The following CYP46A1 variants were observed in gnomAD, a reference collection of about 807,000 sequenced individuals.
CYP46A1 encodes cholesterol 24-hydroxylase.
Under a neutral mutation model 63.3 loss-of-function variants are expected in CYP46A1, and 20 were observed. The ratio of observed to expected loss-of-function variants is 0.32; its 90% CI spans 0.22 to 0.46. The LOEUF is 0.46. Among genes scored for constraint, CYP46A1 ranks in the 20% least tolerant of loss-of-function variants. The pLI is 1.00. For missense variants in CYP46A1, 445 were observed against 670.8 expected (o/e 0.66, Z 3.72); for synonymous variants, 268 against 273.6 (o/e 0.98, Z 0.20).
chr14:99,688,277 G>A (rs1026761195), intron 1 of CYP46A1, among the ~76,000 whole-genome samples: 3 of 152,162 alleles, frequency 2.0e-5, no homozygotes, highest in African/African-American at 4.8e-5. Flanking sequence ...CTCACCTGGC[G>A]TGGGCCTCCA....
chr14:99,688,787 A>G (rs1034011995), intron 1 of CYP46A1, among the ~76,000 whole-genome samples: 5 of 151,136 alleles, frequency 3.3e-5, no homozygotes, highest in Non-Finnish European at 5.9e-5. Context: ...CTCTCCACCA[A>G]ACTTGCTGGG....
intron 14 of CYP46A1, 100 bp downstream of exon 14, chr14:99,726,356 T>C: frequency 5.2e-6 from 7 of 1,340,382 alleles, no homozygotes; most frequent in Non-Finnish European, 7.2e-6. Context: ...CTGGGGCTGC[T>C]GGGCTGTGGG....
intron 5 of CYP46A1, chr14:99,706,276 G>A (rs1164933909): frequency 3.9e-5 from 7 of 179,850 alleles, no homozygotes; most frequent in Middle Eastern, 2.5e-3. Context: ...GGCAACGGGA[G>A]TAGAGGGCAG....
intron 3 of CYP46A1, among the ~76,000 whole-genome samples, chr14:99,697,569 A>T (rs79657683): frequency 0.013 from 1,944 of 152,202 alleles, 29 homozygotes; most frequent in African/African-American, 0.045. Context: ...GAGGTTCACA[A>T]TCCTGCACTG....
At chr14:99,691,697 CAT>C in intron 2 of CYP46A1, 81 bp from the exon 3 acceptor site, 1 of 1,318,430 alleles carries the variant, frequency 7.6e-7, no homozygotes. Flanking sequence ...GGACGGGAAA[CAT>C]CGGTTTCTCA....
chr14:99,691,157 G>T lies in CYP46A1; in HGVS notation c.196G>T (p.Asp66Tyr), dbSNP rs2056539803. 1 of 1,614,044 alleles carries T rather than the reference G, an allele frequency of 6.2e-7. No individual in the cohort carries two copies. Among genetic ancestry groups the T allele is most frequent in the African/African-American group, 1.3e-5 (1 of 74,920 alleles). ...GGRVLQDVFL[D>Y]WAKKYGPVVR... ...CCGTGTGCTCCAAGATGTGTTTTTG[G>T]ATTGGTGGGTTCTCATTTGTCACTT... Residue 66 changes from aspartate (D) to tyrosine (Y), a missense_variant, in exon 2 of 15, where the codon GAT becomes TAT. By Grantham distance (160) the Asp-to-Tyr change is radical. This residue lies in a region of CYP46A1 where 252 missense variants were observed against 383.3 expected (regional missense o/e 0.66). Coordinates refer to ENST00000261835, the MANE Select transcript of CYP46A1 (RefSeq NM_006668.2).
chr14:99,719,610 C>G (rs2056825517), intron 10 of CYP46A1, among the ~76,000 whole-genome samples: 1 of 152,044 alleles, frequency 6.6e-6, no homozygotes, highest in Non-Finnish European at 1.5e-5. Flanking sequence ...CCACTTCTGT[C>G]TCTGTGTGTT....
At chr14:99,694,645 G>A (rs775126029) in intron 3 of CYP46A1, among the ~76,000 whole-genome samples, 22 of 151,786 alleles carry the variant, frequency 1.4e-4, no homozygotes, top group Non-Finnish European at 2.9e-4. Flanking sequence ...GATTACAGGC[G>A]CCCACCACTG....
intron 6 of CYP46A1, 60 bp from the exon 7 acceptor site, chr14:99,707,508 G>T (rs892147242): frequency 1.4e-6 from 2 of 1,381,312 alleles, no homozygotes; most frequent in African/African-American, 1.4e-5. Flanking sequence ...GCCAGGCTTT[G>T]CCCTGGATCT....
At chr14:99,690,976 C>T (rs916506881) in intron 1 of CYP46A1, 105 bp from the exon 2 acceptor site, 10 of 1,078,450 alleles carry the variant, frequency 9.3e-6, no homozygotes, top group Middle Eastern at 2.0e-4. Flanking sequence ...CCCCATGCCT[C>T]GGTCCTCCTG....
chr14:99,726,619 G>A lies in CYP46A1; in HGVS notation c.1395G>A (p.Gly465=), dbSNP rs928683798. 1 of 1,573,116 alleles carries A rather than the reference G, an allele frequency of 6.4e-7. No individual in the cohort carries two copies. Among genetic ancestry groups the A allele is most frequent in the African/African-American group, 1.3e-5 (1 of 74,204 alleles). The part of the protein sequence containing the change: ...LQRLEFRLVP[G]QRFGLQEQAT... ...GGCTGGAGTTCCGGCTGGTGCCCGGGCAGCGCTTCGGGCTGCAGGAGCAGG... is the reference window on the plus strand; with the variant it reads ...GGCTGGAGTTCCGGCTGGTGCCCGGACAGCGCTTCGGGCTGCAGGAGCAGG... The change falls in exon 15 of 15, where the codon GGG becomes GGA. Residue 465 remains glycine, a synonymous_variant. Coordinates refer to ENST00000261835, the MANE Select transcript of CYP46A1 (RefSeq NM_006668.2).
intron 1 of CYP46A1, among the ~76,000 whole-genome samples, chr14:99,686,969 C>T (rs951351831): frequency 4.6e-5 from 7 of 152,160 alleles, no homozygotes; most frequent in Non-Finnish European, 1.0e-4. Flanking sequence ...CTATGATTGG[C>T]GATACTGTGG....
rs1167088898 is a variant in CYP46A1, at chr14:99,695,288, A to G, written c.282+3427A>G. ...GTTATTGTTGAATAAAGTGTTTTAGAAATGTCGATTAGGTCAATTTGGTCA... is the reference window on the plus strand; with the variant it reads ...GTTATTGTTGAATAAAGTGTTTTAGGAATGTCGATTAGGTCAATTTGGTCA... On this transcript the variant is annotated intron_variant, in intron 3 of 14. Transcript: ENST00000261835. 6 of 208,136 alleles carry G rather than the reference A, an allele frequency of 2.9e-5. No individual in the cohort carries two copies. The East Asian group carries it at 9.0e-4, about 31-fold the overall frequency. The allele number at this position is 208,136 out of a possible 1,614,324, so 12.9% of individuals were successfully genotyped here.
intron 7 of CYP46A1, chr14:99,708,545 T>C (rs1263641242): frequency 0.016 from 1,122 of 69,886 alleles, no homozygotes; most frequent in Middle Eastern, 0.082. Context: ...CTGCTGCCAC[T>C]AGCGCCTGCC....
chr14:99,709,739 C>T (rs916550921), intron 7 of CYP46A1: 1 of 152,066 alleles, frequency 6.6e-6, no homozygotes, highest in Non-Finnish European at 1.5e-5. Flanking sequence ...CAAAAATCTC[C>T]GAGTAGATTC....
intron 5 of CYP46A1, among the ~76,000 whole-genome samples, chr14:99,703,273 T>G (rs1247264731): frequency 3.9e-5 from 6 of 152,216 alleles, no homozygotes; most frequent in African/African-American, 1.4e-4. Flanking sequence ...CTATGTAATC[T>G]GTGGAGAACT....
chr14:99,715,741 G>A, intron 7 of CYP46A1, 69 bp from the exon 8 acceptor site: 3 of 1,602,168 alleles, frequency 1.9e-6, no homozygotes, highest in Non-Finnish European at 2.6e-6. Context: ...TCATTTCGGG[G>A]TGGTGGGGGA....
At chr14:99,698,726 G>A (rs1375080286) in intron 3 of CYP46A1, among the ~76,000 whole-genome samples, 1 of 152,202 alleles carries the variant, frequency 6.6e-6, no homozygotes, top group African/African-American at 2.4e-5. Context: ...GTGCAGCAGG[G>A]ATGCTGAGCC....
intron 1 of CYP46A1, among the ~76,000 whole-genome samples, chr14:99,686,915 A>G (rs1384053678): frequency 2.0e-5 from 3 of 152,236 alleles, no homozygotes; most frequent in Admixed American, 2.0e-4. Context: ...AAACTCTTCT[A>G]GCAGAAACCC....
Sources: gnomAD v4.1 joint callset for allele counts (sites outside exome capture counted in the v4.1 genomes callset) on GRCh38, gnomAD v4.1.1 for gene constraint, gnomAD v4.1.1 regional missense constraint, MANE v1.5 for transcripts, NCBI Gene and HGNC (gene_info 2026-07-23, HGNC 2026-07-21) for gene names.